The following ZSCAN5A variants were observed in gnomAD, a reference collection of about 807,000 sequenced individuals.
The protein encoded by ZSCAN5A is zinc finger and SCAN domain containing 5A, also known as zinc finger and SCAN domain-containing protein 5A.
In ZSCAN5A, 12 loss-of-function variants were observed where a neutral mutation model predicts 23.7. That is an observed-to-expected ratio of 0.51 (90% CI 0.32 to 0.82). The LOEUF (loss-of-function observed/expected upper bound fraction) is 0.82, where lower values mean the gene tolerates loss of function less well. Among genes scored for constraint, ZSCAN5A ranks in the 40% least tolerant of loss-of-function variants. ZSCAN5A has a pLI of 0.03. For missense variants in ZSCAN5A, 597 were observed against 617.9 expected, an observed-to-expected ratio of 0.97 and a Z score of 0.36; for synonymous variants, 257 against 239.9, an observed-to-expected ratio of 1.07 and a Z score of -0.66.
At chr19:56,272,396 G>C (rs1265305401) in intron 2 of ZSCAN5A, among the ~76,000 whole-genome samples, 1 of 152,180 alleles carries the variant, frequency 6.6e-6, no homozygotes, top group Non-Finnish European at 1.5e-5. Flanking sequence ...ACAATACATA[G>C]TGAAATGGCA....
chr19:56,328,128 G>A (rs563763428), intron 2 of ZSCAN5A, among the ~76,000 whole-genome samples: 5 of 152,238 alleles, frequency 3.3e-5, no homozygotes, highest in African/African-American at 9.6e-5. Flanking sequence ...ATGGACAGGA[G>A]AAGTGATCAG....
chr19:56,353,701 G>A (rs577661656), intron 2 of ZSCAN5A, among the ~76,000 whole-genome samples: 5 of 152,256 alleles, frequency 3.3e-5, no homozygotes, highest in African/African-American at 1.2e-4. Flanking sequence ...AGAATGGCAT[G>A]AACCCGGGAG....
rs1367717880 is a variant in ZSCAN5A at position 56,235,204 on chromosome 19, G to A, written c.-127-10031C>T. Among the ~76,000 whole-genome samples, 4 of 44,892 alleles carry A rather than the reference G, an allele frequency of 8.9e-5. 1 individual carries two copies. Among genetic ancestry groups the A allele is most frequent in the Admixed American group, 2.6e-4 (1 of 3,800 alleles). 29.5% of individuals were successfully genotyped at this position (44,892 alleles called of 152,430 possible). ...GTCTCCACTCCAGCCTCTGATGGAC[G>A]GTGGGCCAAGTCTCCACTCCAGCCT... On this transcript the variant is annotated intron_variant, in intron 2 of 5. Transcript: ENST00000683990.
intron 2 of ZSCAN5A, among the ~76,000 whole-genome samples, chr19:56,270,659 G>A (rs2037780690): frequency 1.3e-5 from 2 of 151,388 alleles, no homozygotes; most frequent in South Asian, 2.1e-4. Flanking sequence ...AAACTAAATT[G>A]TATAAACTTG....
chr19:56,329,700 AG>A (rs1167739267), intron 2 of ZSCAN5A, among the ~76,000 whole-genome samples: 2 of 152,146 alleles, frequency 1.3e-5, no homozygotes, highest in Non-Finnish European at 2.9e-5. Context: ...ATAAAAAAAA[AG>A]TTTTTCATGA....
chr19:56,345,886 TAAATC>T (rs2041628512), intron 2 of ZSCAN5A, among the ~76,000 whole-genome samples: 1 of 152,158 alleles, frequency 6.6e-6, no homozygotes, highest in African/African-American at 2.4e-5. Context: ...TTTTAGTCAA[TAAATC>T]AGGTAACACA....
chr19:56,222,863 C>T (rs2033430958), intron 4 of ZSCAN5A, 122 bp from the exon 5 acceptor site: 1 of 1,369,724 alleles, frequency 7.3e-7, no homozygotes, highest in African/African-American at 1.4e-5. Context: ...GAAATACGTG[C>T]AGACTTCCCC....
chr19:56,335,103 C>G (rs2041522709), intron 2 of ZSCAN5A, among the ~76,000 whole-genome samples: 1 of 151,996 alleles, frequency 6.6e-6, no homozygotes, highest in South Asian at 2.1e-4. Context: ...AAGAATGTAA[C>G]CAGCCTGACA....
At chr19:56,278,409 C>T (rs2038428197) in intron 2 of ZSCAN5A, among the ~76,000 whole-genome samples, 1 of 152,200 alleles carries the variant, frequency 6.6e-6, no homozygotes, top group South Asian at 2.1e-4. Context: ...GCTGGGATTA[C>T]AGGCGTGAGC....
intron 2 of ZSCAN5A, among the ~76,000 whole-genome samples, chr19:56,344,625 C>T (rs7247904): frequency 0.019 from 2,820 of 150,682 alleles, 110 homozygotes; most frequent in African/African-American, 0.065. Flanking sequence ...AAGATACGGC[C>T]GGGCGCAGTG....
intron 2 of ZSCAN5A, among the ~76,000 whole-genome samples, chr19:56,359,914 G>C (rs942274404): frequency 2.0e-5 from 3 of 152,134 alleles, no homozygotes; most frequent in African/African-American, 4.8e-5. Context: ...ACTAGGTATT[G>C]ATGGCACATA....
At chr19:56,330,608 T>C (rs2041480276) in intron 2 of ZSCAN5A, among the ~76,000 whole-genome samples, 3 of 152,200 alleles carry the variant, frequency 2.0e-5, no homozygotes, top group Admixed American at 2.0e-4. Flanking sequence ...CATTTATTCA[T>C]GTTTGTTGGC....
intron 1 of ZSCAN5A, chr19:56,314,438 G>A (rs2041238568): frequency 6.6e-6 from 1 of 152,192 alleles, no homozygotes. Context: ...CACGCGGCCA[G>A]GAATCATGCA....
chr19:56,268,586 T>G (rs918898245), intron 2 of ZSCAN5A, among the ~76,000 whole-genome samples: 2 of 152,240 alleles, frequency 1.3e-5, no homozygotes, highest in Non-Finnish European at 2.9e-5. Context: ...ATTGCTATTT[T>G]TAGAGCTTTT....
chr19:56,346,320 T>C (rs1306978087), intron 2 of ZSCAN5A, among the ~76,000 whole-genome samples: 2 of 152,092 alleles, frequency 1.3e-5, no homozygotes, highest in Admixed American at 6.5e-5. Context: ...GACCAGCTGG[T>C]TGCTACTCTT....
At chr19:56,315,579 T>C (rs908034774), upstream of ZSCAN5A, 4 of 152,344 alleles carry the variant, frequency 2.6e-5, no homozygotes, top group South Asian at 2.1e-4. Flanking sequence ...GTGAAGGGGC[T>C]GTGGGTTCTC....
intron 2 of ZSCAN5A, among the ~76,000 whole-genome samples, chr19:56,331,737 G>A (rs1456739333): frequency 3.3e-5 from 5 of 151,438 alleles, no homozygotes; most frequent in South Asian, 4.2e-4. Context: ...ACAGGCACCC[G>A]CCATCATGCC....
Position 56,222,080 on chromosome 19 carries a change from C to A in ZSCAN5A, c.986G>T (p.Gly329Val). 2.5e-6 allele frequency: 4 copies of A among 1,614,080 alleles called. No individual in the cohort carries two copies. The highest frequency in any genetic ancestry group is 3.4e-6 in the Non-Finnish European group (4 of 1,180,022). ...GCCTGGGGAATGAATTGAATTCATC[C>A]CAGCTTGTCCCGGGGATTCTCTGTT... Reference protein sequence around the residue: ...VGNRESPGQAGMNSIHSPGPA... With the variant: ...VGNRESPGQAVMNSIHSPGPA... Residue 329 changes from glycine (G) to valine (V), a missense_variant, in exon 6 of 6, where the codon GGG becomes GTG. Gly to Val is a moderately radical substitution (Grantham distance 109). Coordinates refer to ENST00000683990, the MANE Select transcript of ZSCAN5A (RefSeq NM_001322064.3).
chr19:56,262,424 T>G, intron 2 of ZSCAN5A, among the ~76,000 whole-genome samples: 1 of 151,500 alleles, frequency 6.6e-6, no homozygotes, highest in South Asian at 2.1e-4. Context: ...TTTTTTTTTG[T>G]TTTTTTGTTT....
Sources: allele counts gnomAD v4.1 joint callset (sites outside exome capture counted in the v4.1 genomes callset), GRCh38; gene constraint gnomAD v4.1.1; transcripts MANE v1.5; gene names NCBI Gene and HGNC (gene_info 2026-07-23, HGNC 2026-07-21).